LIMD1: variants seen among roughly 807,000 people sequenced by gnomAD.
The protein encoded by LIMD1 is LIM domain containing 1.
LIMD1 carries 23 observed loss-of-function variants against 58.4 expected under a neutral mutation model. The ratio of observed to expected loss-of-function variants is 0.39; its 90% confidence interval spans 0.28 to 0.56. The LOEUF is 0.56. Among genes scored for constraint, LIMD1 ranks in the 20% least tolerant of loss-of-function variants. The pLI, the probability that LIMD1 is intolerant of heterozygous loss-of-function variation, is 0.57. For synonymous variants in LIMD1, 334 were observed against 345.5 expected (o/e 0.97, Z 0.37); for missense variants, 838 against 855.5 (o/e 0.98, Z 0.25).
chr3:45,665,773 G>A (rs1256531276), intron 3 of LIMD1, 56 bp downstream of exon 3: 1 of 1,480,300 alleles, frequency 6.8e-7, no homozygotes, highest in Non-Finnish European at 9.4e-7. Flanking sequence ...CAGAGGGCAG[G>A]GGCCTGGGGG....
intron 1 of LIMD1, among the ~76,000 whole-genome samples, chr3:45,625,358 A>T (rs1261629064): frequency 6.6e-6 from 1 of 152,046 alleles, no homozygotes; most frequent in South Asian, 2.1e-4. Context: ...AGTACCTCAC[A>T]CTCAGTAGAT....
chr3:45,645,449 C>T (rs867711570), intron 2 of LIMD1, among the ~76,000 whole-genome samples: 1 of 152,190 alleles, frequency 6.6e-6, no homozygotes, highest in East Asian at 1.9e-4. Context: ...ATCCTAAGCT[C>T]CTGATATTGC....
At position 45,624,960 on chromosome 3, in the gene LIMD1, G is replaced by A. The variant is rs577127437; in HGVS notation, c.1409-11190G>A. Among the ~76,000 whole-genome samples, 8 of 150,518 alleles carry A rather than the reference G, an allele frequency of 5.3e-5. 1 individual carries two copies. In the Middle Eastern group the frequency reaches 0.01, roughly 195 times the overall value. On this transcript the variant is annotated intron_variant, in intron 1 of 7. Transcript: ENST00000273317. ...CCCCCCAAAGTTCAAATTGTTTTTC[G>A]GCTTTGGGTGTGCAGAAGATGATTT...
chr3:45,630,489 C>T (rs752451618), intron 1 of LIMD1, among the ~76,000 whole-genome samples: 16 of 152,196 alleles, frequency 1.1e-4, no homozygotes, highest in Non-Finnish European at 1.6e-4. Flanking sequence ...CACGCACCTG[C>T]AGGGCCCCTC....
At chr3:45,666,474 G>A (rs1224731594) in intron 3 of LIMD1, among the ~76,000 whole-genome samples, 2 of 152,124 alleles carry the variant, frequency 1.3e-5, no homozygotes, top group Admixed American at 6.5e-5. Flanking sequence ...GAAGCTCTCC[G>A]AGGTCTGGAA....
At chr3:45,643,151 G>A (rs559011735) in intron 2 of LIMD1, among the ~76,000 whole-genome samples, 15 of 152,286 alleles carry the variant, frequency 9.8e-5, no homozygotes, top group African/African-American at 2.4e-4. Context: ...GGAAAAACAC[G>A]CTGACTTGTG....
At chr3:45,645,588 G>C (rs1701891767) in intron 2 of LIMD1, among the ~76,000 whole-genome samples, 1 of 152,190 alleles carries the variant, frequency 6.6e-6, no homozygotes. Context: ...GAGCACTCCA[G>C]TACGCCAGGA....
At chr3:45,674,716 C>A (rs111726671) in intron 7 of LIMD1, 18 of 269,928 alleles carry the variant, frequency 6.7e-5, no homozygotes, top group Non-Finnish European at 1.1e-4. Flanking sequence ...GTCCTATCTG[C>A]GGGCCACATT....
intron 1 of LIMD1, among the ~76,000 whole-genome samples, chr3:45,623,280 CAG>C (rs2125654690): frequency 6.6e-6 from 1 of 152,256 alleles, no homozygotes; most frequent in South Asian, 2.1e-4. Context: ...GAAGACCAGA[CAG>C]AAGGGTATAA....
intron 7 of LIMD1, 193 bp downstream of exon 7, chr3:45,674,604 GT>G: frequency 1.8e-6 from 1 of 557,144 alleles, no homozygotes; most frequent in Admixed American, 3.0e-5. Flanking sequence ...AGGTATAAAG[GT>G]CTTTCTTCTG....
At chr3:45,638,763 C>T (rs961437238) in intron 2 of LIMD1, among the ~76,000 whole-genome samples, 2 of 151,746 alleles carry the variant, frequency 1.3e-5, no homozygotes, top group Non-Finnish European at 2.9e-5. Context: ...ACACTCCCAC[C>T]AACTGTGTAT....
intron 1 of LIMD1, among the ~76,000 whole-genome samples, chr3:45,632,328 T>A (rs1033747190): frequency 6.6e-6 from 1 of 152,180 alleles, no homozygotes; most frequent in Non-Finnish European, 1.5e-5. Context: ...TATTTGGCAT[T>A]TTTCGGAAAG....
At chr3:45,600,068 C>G (rs1701396764) in intron 1 of LIMD1, among the ~76,000 whole-genome samples, 1 of 152,200 alleles carries the variant, frequency 6.6e-6, no homozygotes, top group South Asian at 2.1e-4. Flanking sequence ...ATACTTTTTC[C>G]TCCCCTACAT....
intron 1 of LIMD1, 124 bp downstream of exon 1, chr3:45,596,411 AT>A (rs887358198): frequency 2.6e-6 from 2 of 779,214 alleles, no homozygotes; most frequent in Non-Finnish European, 4.1e-6. Flanking sequence ...CTGTTTTTTT[AT>A]TTTTTTGTTT....
At chr3:45,660,860 C>T (rs929978877) in intron 2 of LIMD1, among the ~76,000 whole-genome samples, 3 of 152,180 alleles carry the variant, frequency 2.0e-5, no homozygotes, top group Non-Finnish European at 2.9e-5. Context: ...TCTAAAACTT[C>T]GAGTTCTCTG....
intron 2 of LIMD1, among the ~76,000 whole-genome samples, chr3:45,647,260 A>G (rs1255408825): frequency 1.3e-5 from 2 of 152,184 alleles, no homozygotes; most frequent in Admixed American, 1.3e-4. Context: ...CTTCATAACC[A>G]TCTGCTGCGT....
At chr3:45,605,672 A>G (rs1701461607) in intron 1 of LIMD1, among the ~76,000 whole-genome samples, 1 of 152,174 alleles carries the variant, frequency 6.6e-6, no homozygotes, top group Non-Finnish European at 1.5e-5. Flanking sequence ...TTAGGAAATA[A>G]CCACACATGG....
chr3:45,672,728 T>C lies in LIMD1; in HGVS notation c.1680T>C (p.Cys560=), dbSNP rs1336730482. ...QALGKSYHPG[C]FRCVICNECL... is the part of the protein sequence containing the mutation. Reference sequence around the variant, plus strand: ...TGGGGAAGTCCTACCACCCCGGCTGTTTCCGCTGTGTCATCTGTAATGAGT... The same window carrying C: ...TGGGGAAGTCCTACCACCCCGGCTGCTTCCGCTGTGTCATCTGTAATGAGT... Residue 560 remains cysteine (C), a synonymous_variant, in exon 5 of 8, where the codon TGT becomes TGC. Transcript: ENST00000273317. 1 of 1,613,958 alleles carries C rather than the reference T, an allele frequency of 6.2e-7. No individual in the cohort carries two copies. The highest frequency in any genetic ancestry group is 8.5e-7 in the Non-Finnish European group (1 of 1,179,986).
intron 2 of LIMD1, among the ~76,000 whole-genome samples, chr3:45,656,231 G>A (rs1702026068): frequency 6.6e-6 from 1 of 152,030 alleles, no homozygotes; most frequent in African/African-American, 2.4e-5. Flanking sequence ...TATTGTTTAA[G>A]CTACTCACTT....
Sources: allele counts gnomAD v4.1 joint callset (sites outside exome capture counted in the v4.1 genomes callset), GRCh38; gene constraint gnomAD v4.1.1; transcripts MANE v1.5; gene names NCBI Gene and HGNC (gene_info 2026-07-23, HGNC 2026-07-21).